Variants in SCN3A observed in about 807,000 individuals in gnomAD.
SCN3A encodes sodium channel protein type 3 subunit alpha.
Under a neutral mutation model 187.6 loss-of-function variants are expected in SCN3A, and 60 were observed. The observed-to-expected ratio is 0.32, with a 90% CI of 0.26 to 0.40. The LOEUF (loss-of-function observed/expected upper bound fraction) is 0.40, where lower values mean the gene tolerates loss of function less well. Ranked by LOEUF, SCN3A falls within the 10% of genes least tolerant of loss-of-function variation. The pLI is 1.00. For synonymous variants in SCN3A, 788 were observed against 829.2 expected (o/e 0.95, Z 0.85); for missense variants, 1,601 against 2,428.2 (o/e 0.66, Z 7.16).
intron 1 of SCN3A, among the ~76,000 whole-genome samples, chr2:165,197,328 GTCAA>G (rs1559286556): frequency 6.6e-6 from 1 of 151,996 alleles, no homozygotes; most frequent in Non-Finnish European, 1.5e-5. Flanking sequence ...TCTTTCTCTA[GTCAA>G]TTGGTTTTCA....
Position 165,170,535 on chromosome 2 carries a change from A to G in SCN3A, c.278T>C (p.Met93Thr). The G allele has an allele frequency of 2.5e-6, 4 of 1,599,766 alleles. No individual in the cohort carries two copies. Among genetic ancestry groups the G allele is most frequent in the South Asian group, 1.1e-5 (1 of 90,678 alleles). ...TCGGAAAATTGCCTTTCCTTTATTC[A>G]TTACTATAAAAGTCTGAAAAAGAAA... ...YYINKKTFIVMNKGKAIFRFS... is the reference protein window; with the variant it reads ...YYINKKTFIVTNKGKAIFRFS... The change falls in exon 4 of 28, where the codon ATG becomes ACG. Residue 93 changes from methionine (M) to threonine (T), a missense_variant. Physicochemically the swap from Met to Thr is moderately conservative, Grantham distance 81. This residue lies in a region of SCN3A where 122 missense variants were observed against 225.1 expected (regional missense o/e 0.54). Transcript: ENST00000283254.
At chr2:165,138,879 G>A (rs1182024742) in intron 14 of SCN3A, among the ~76,000 whole-genome samples, 3 of 152,194 alleles carry the variant, frequency 2.0e-5, no homozygotes. Context: ...TTCAAGGAGT[G>A]AGGGCTGTGT....
At chr2:165,163,968 C>T in intron 6 of SCN3A, 1 of 1,306,400 alleles carries the variant, frequency 7.7e-7, no homozygotes, top group Non-Finnish European at 1.1e-6. Context: ...CTGGGTTTGG[C>T]ACATAGAGCC....
chr2:165,151,266 T>C (rs185334244), intron 11 of SCN3A, among the ~76,000 whole-genome samples: 84 of 152,334 alleles, frequency 5.5e-4, no homozygotes, highest in African/African-American at 1.9e-3. Flanking sequence ...GTTGTGCATC[T>C]TCAAAGTAAC....
chr2:165,164,560 G>T, intron 5 of SCN3A, 40 bp from the exon 6 acceptor site: 1 of 1,608,934 alleles, frequency 6.2e-7, no homozygotes, highest in South Asian at 1.1e-5. Flanking sequence ...AATTTTGCTT[G>T]AACTGTTAAA....
At chr2:165,146,060 A>G (rs1688301327) in intron 12 of SCN3A, among the ~76,000 whole-genome samples, 1 of 152,144 alleles carries the variant, frequency 6.6e-6, no homozygotes, top group African/African-American at 2.4e-5. Context: ...AAATCAGAGC[A>G]AAAATAGACT....
At chr2:165,131,574 TTTTATTTTTA>T (rs1425000981) in intron 15 of SCN3A, among the ~76,000 whole-genome samples, 157 bp from the exon 16 acceptor site, 11 of 151,802 alleles carry the variant, frequency 7.2e-5, no homozygotes, top group East Asian at 1.9e-4. Context: ...TATTTTCATT[TTTTATTTTTA>T]TTTATTTTTA....
At chr2:165,156,244 C>T (rs79762515) in intron 9 of SCN3A, among the ~76,000 whole-genome samples, 17,288 of 151,998 alleles carry the variant, frequency 0.11, 1,158 homozygotes, top group East Asian at 0.16. Context: ...CAGTGGCTCA[C>T]GCCTGTAATC....
At chr2:165,199,947 A>G (rs985885817) in intron 1 of SCN3A, among the ~76,000 whole-genome samples, 2 of 152,072 alleles carry the variant, frequency 1.3e-5, no homozygotes, top group Admixed American at 6.6e-5. Flanking sequence ...TAGCTTCTCA[A>G]TCAAAGATAA....
chr2:165,195,950 T>C (rs187501790), intron 1 of SCN3A, among the ~76,000 whole-genome samples: 160 of 152,208 alleles, frequency 1.1e-3, no homozygotes, highest in Non-Finnish European at 1.5e-3. Context: ...GAATAAGGAG[T>C]TGGAATGTTT....
rs73969181 is a variant in SCN3A, at chr2:165,104,644, A to G, written c.3844-4220T>C. Among the ~76,000 whole-genome samples the G allele has an allele frequency of 5.6e-3, 856 of 152,192 alleles. 4 individuals are homozygous for G. Among genetic ancestry groups the G allele is most frequent in the African/African-American group, 0.02 (822 of 41,578 alleles). The stretch of plus-strand genomic sequence containing the variant: ...AAGAAAAAAAATTCTGATAAATTTG[A>G]CTAAATCAATATGAAAAATTTATAC... On this transcript the variant is annotated intron_variant, in intron 21 of 27. Transcript: ENST00000283254.
chr2:165,133,591 G>A (rs1482410092), intron 15 of SCN3A, among the ~76,000 whole-genome samples: 2 of 150,722 alleles, frequency 1.3e-5, no homozygotes, highest in Admixed American at 6.6e-5. Flanking sequence ...TGATCTGCCC[G>A]CCTCAGCCTC....
intron 18 of SCN3A, among the ~76,000 whole-genome samples, chr2:165,124,097 T>C (rs183301360): frequency 4.3e-4 from 66 of 152,192 alleles, no homozygotes; most frequent in Non-Finnish European, 7.8e-4. Context: ...TTTCTTTACA[T>C]TTTGTAATTG....
chr2:165,148,237 A>C (rs1688471167), intron 11 of SCN3A, among the ~76,000 whole-genome samples: 1 of 152,020 alleles, frequency 6.6e-6, no homozygotes, highest in Non-Finnish European at 1.5e-5. Context: ...AGACATACTT[A>C]ACCTTGACTT....
At chr2:165,093,559 T>A (rs1482511108) in intron 26 of SCN3A, 1 of 152,220 alleles carries the variant, frequency 6.6e-6, no homozygotes, top group Non-Finnish European at 1.5e-5. Flanking sequence ...TAAAACTTCA[T>A]GGCTTACCAA....
chr2:165,175,334 A>AT (rs1042215833), intron 3 of SCN3A, among the ~76,000 whole-genome samples: 2 of 152,136 alleles, frequency 1.3e-5, no homozygotes, highest in Non-Finnish European at 2.9e-5. Flanking sequence ...TATACCACCT[A>AT]TTTTTTATAT....
chr2:165,141,806 A>T lies in SCN3A; in HGVS notation c.1672-808T>A, dbSNP rs568315856. 1.1e-3 allele frequency among the ~76,000 whole-genome samples: 170 copies of T among 152,334 alleles called. 1 individual carries two copies. The highest frequency in any genetic ancestry group is 4.0e-3 in the African/African-American group (166 of 41,570). On this transcript the variant is annotated intron_variant, in intron 12 of 27. Coordinates refer to ENST00000283254, the MANE Select transcript of SCN3A (RefSeq NM_006922.4). ...AAAGCAAGACATATAACATGACTTC[A>T]CCAGCAGGTGGTGTGAAAAACAACA...
chr2:165,135,086 C>T (rs1006518126), intron 15 of SCN3A, among the ~76,000 whole-genome samples: 1 of 151,982 alleles, frequency 6.6e-6, no homozygotes, highest in Non-Finnish European at 1.5e-5. Context: ...GTTTTTGGTA[C>T]ATTTTAATCT....
At chr2:165,178,253 G>A (rs988626938) in intron 2 of SCN3A, among the ~76,000 whole-genome samples, 1 of 151,748 alleles carries the variant, frequency 6.6e-6, no homozygotes, top group Non-Finnish European at 1.5e-5. Flanking sequence ...TTGAGACAGG[G>A]TCTCACTCTG....
Sources: allele counts gnomAD v4.1 joint callset (sites outside exome capture counted in the v4.1 genomes callset), GRCh38; gene constraint gnomAD v4.1.1; regional missense constraint gnomAD v4.1.1; transcripts MANE v1.5; gene names NCBI Gene and HGNC (gene_info 2026-07-23, HGNC 2026-07-21).